The following IPO7 variants were observed in gnomAD, a reference collection of about 807,000 sequenced individuals.
IPO7 encodes importin-7.
In IPO7, 13 loss-of-function variants were observed where a neutral mutation model predicts 136.4. That is an observed-to-expected ratio of 0.10 (90% confidence interval 0.06 to 0.15). The LOEUF is 0.15. Ranked by LOEUF, IPO7 falls within the 10% of genes least tolerant of loss-of-function variation. IPO7 has a pLI of 1.00. For synonymous variants in IPO7, 403 were observed against 404.4 expected, an observed-to-expected ratio of 1.00 and a Z score of 0.04; for missense variants, 857 against 1,240.6, an observed-to-expected ratio of 0.69 and a Z score of 4.65.
At chr11:9,436,822 A>C (rs555326391) in intron 20 of IPO7, among the ~76,000 whole-genome samples, 1 of 117,800 alleles carries the variant, frequency 8.5e-6, no homozygotes, top group Non-Finnish European at 1.7e-5. Context: ...ACAGGTATAC[A>C]CCACCACAAC....
intron 1 of IPO7, among the ~76,000 whole-genome samples, chr11:9,396,627 A>C (rs766636361): frequency 6.6e-6 from 1 of 152,134 alleles, no homozygotes; most frequent in Non-Finnish European, 1.5e-5. Context: ...TTTTCTGTCT[A>C]TGTAGATTTG....
At chr11:9,428,919 T>C in intron 13 of IPO7, 112 bp from the exon 14 acceptor site, 1 of 931,604 alleles carries the variant, frequency 1.1e-6, no homozygotes, top group African/African-American at 1.6e-5. Context: ...TCTGGACACA[T>C]CTACCACTGG....
chr11:9,408,422 C>T lies in IPO7; in HGVS notation c.167-64C>T, dbSNP rs1854918369. On this transcript the variant is annotated intron_variant, in intron 2 of 24. Coordinates refer to ENST00000379719, the MANE Select transcript of IPO7 (RefSeq NM_006391.3). Reference sequence around the variant, plus strand: ...GAAAGAAATACTTGAGGTATGGACACTTGTGGGATTTTCACAGTACTTTCA... The same window carrying T: ...GAAAGAAATACTTGAGGTATGGACATTTGTGGGATTTTCACAGTACTTTCA... The T allele has an allele frequency of 5.5e-6, 6 of 1,087,662 alleles. No homozygotes were observed. In the African/African-American group the frequency reaches 6.5e-5, roughly 12 times the overall value. The allele number at this position is 1,087,662 out of a possible 1,614,324, so 67.4% of individuals were successfully genotyped here.
chr11:9,434,917 G>C lies in IPO7; in HGVS notation c.2075-17G>C. ...GTGTTACTAAAGATGTGTAACCGAT[G>C]TTTTTTATTAATACAGATATGATGC... On this transcript the variant is annotated splice_polypyrimidine_tract_variant and intron_variant, in intron 18 of 24. Coordinates refer to ENST00000379719, the MANE Select transcript of IPO7 (RefSeq NM_006391.3). The C allele has an allele frequency of 6.6e-7, 1 of 1,505,064 alleles. No homozygotes were observed. Among genetic ancestry groups the C allele is most frequent in the South Asian group, 1.1e-5 (1 of 88,032 alleles). The allele number at this position is 1,505,064 out of a possible 1,614,324, so 93.2% of individuals were successfully genotyped here. A position where few individuals can be genotyped will look rare whatever the true frequency, so the allele number is the denominator to read the frequency against.
At chr11:9,419,019 T>TAGTTTTACTTTTTC (rs1460993002) in intron 6 of IPO7, among the ~76,000 whole-genome samples, 1 of 152,220 alleles carries the variant, frequency 6.6e-6, no homozygotes, top group East Asian at 1.9e-4. Context: ...GACATCTGGG[T>TAGTTTTACTTTTTC]AGTTTTACTT....
chr11:9,428,353 A>G (rs909211660), intron 12 of IPO7, among the ~76,000 whole-genome samples, 187 bp from the exon 13 acceptor site: 1 of 152,188 alleles, frequency 6.6e-6, no homozygotes, highest in African/African-American at 2.4e-5. Context: ...AAAACGTGAA[A>G]ATGTGTTTAG....
intron 1 of IPO7, among the ~76,000 whole-genome samples, chr11:9,393,068 T>A (rs1854659403): frequency 6.6e-6 from 1 of 152,028 alleles, no homozygotes; most frequent in African/African-American, 2.4e-5. Context: ...ATGAGTTACA[T>A]ACAGAGTGTC....
Position 9,437,778 on chromosome 11 carries a change from G to A in IPO7, c.2293G>A (p.Ala765Thr), listed in dbSNP as rs1565004258. 1.2e-6 allele frequency: 2 copies of A among 1,613,922 alleles called. No individual in the cohort carries two copies. The highest frequency in any genetic ancestry group is 1.1e-5 in the South Asian group (1 of 91,078). Residue 765 changes from alanine to threonine, a missense_variant, in exon 21 of 25, where the codon GCC becomes ACC. Physicochemically the swap from Ala to Thr is moderately conservative, Grantham distance 58. Coordinates refer to ENST00000379719, the MANE Select transcript of IPO7 (RefSeq NM_006391.3). Reference sequence around the variant, plus strand: ...GTGCATTCCCTTATTCGTGGAAGCAGCCTTAGAAAGACTGACAAGAGAGGT... The same window carrying A: ...GTGCATTCCCTTATTCGTGGAAGCAACCTTAGAAAGACTGACAAGAGAGGT... ...DQCIPLFVEA[A>T]LERLTREVKT...
chr11:9,401,958 C>A (rs1481111921), intron 1 of IPO7, among the ~76,000 whole-genome samples: 1 of 152,188 alleles, frequency 6.6e-6, no homozygotes, highest in Admixed American at 6.5e-5. Context: ...CCCAGAGCCA[C>A]CATGCCTGGA....
At chr11:9,413,279 A>AGCCT (rs1358654636) in intron 4 of IPO7, among the ~76,000 whole-genome samples, 1 of 152,108 alleles carries the variant, frequency 6.6e-6, no homozygotes, top group Non-Finnish European at 1.5e-5. Context: ...CATAATTGAT[A>AGCCT]GCCTGTTGGT....
At chr11:9,430,831 T>A (rs371602259) in intron 15 of IPO7, 44 bp from the exon 16 acceptor site, 16 of 1,581,666 alleles carry the variant, frequency 1.0e-5, no homozygotes, top group Non-Finnish European at 1.4e-5. Context: ...AACATATTTA[T>A]AATGCTTCAG....
intron 12 of IPO7, chr11:9,425,463 G>T: frequency 1.9e-6 from 1 of 519,656 alleles, no homozygotes; most frequent in Non-Finnish European, 3.4e-6. Context: ...AAAATAGGCC[G>T]GGTGTGGTGG....
intron 24 of IPO7, among the ~76,000 whole-genome samples, chr11:9,442,412 G>T (rs573562854): frequency 3.0e-3 from 444 of 149,380 alleles, no homozygotes; most frequent in African/African-American, 9.2e-3. Flanking sequence ...GTTTTTTTTT[G>T]TTTGTTTGTT....
chr11:9,398,775 A>G (rs1291316605), intron 1 of IPO7, among the ~76,000 whole-genome samples: 1 of 152,106 alleles, frequency 6.6e-6, no homozygotes, highest in Non-Finnish European at 1.5e-5. Flanking sequence ...AAAATATACA[A>G]TAAGTTGTTG....
intron 1 of IPO7, among the ~76,000 whole-genome samples, chr11:9,398,276 C>T (rs10743106): frequency 0.99 from 150,138 of 152,354 alleles, 74,012 homozygotes; most frequent in Middle Eastern, 1. Flanking sequence ...AGTATAGTTC[C>T]TACTCAGTGG....
rs1390012215 is a variant in IPO7, at chr11:9,428,477, G to A, written c.1336-63G>A. ...AGTCATTTTTAATAGTGTTATATCT[G>A]TTTGGAAATTGAGATGATTATATTT... On this transcript the variant is annotated intron_variant, in intron 12 of 24. Transcript: ENST00000379719. 1.3e-5 allele frequency: 9 copies of A among 705,674 alleles called. No homozygotes were observed. The Middle Eastern group carries it at 1.2e-3, about 94-fold the overall frequency. 43.7% of individuals were successfully genotyped at this position (705,674 alleles called of 1,614,324 possible). A position where few individuals can be genotyped will look rare whatever the true frequency, so the allele number is the denominator to read the frequency against.
At chr11:9,438,044 A>AGTTTT (rs1554956321) in intron 21 of IPO7, 36 bp from the exon 22 acceptor site, 1 of 1,035,558 alleles carries the variant, frequency 9.7e-7, no homozygotes, top group African/African-American at 2.7e-5. Flanking sequence ...AAAAGAAAAC[A>AGTTTT]GTTTTTTTTT....
chr11:9,414,337 C>A lies in IPO7; in HGVS notation c.562C>A (p.Leu188Ile). The A allele has an allele frequency of 3.1e-6, 5 of 1,612,508 alleles. No homozygotes were observed. The highest frequency in any genetic ancestry group is 4.2e-6 in the Non-Finnish European group (5 of 1,178,610). Residue 188 changes from leucine to isoleucine, a missense_variant, in exon 5 of 25, where the codon CTT (leucine) becomes ATT (isoleucine). By Grantham distance (5) the Leu-to-Ile change is conservative. Around this residue, in one of 11 missense-constraint regions of IPO7, gnomAD observed 287 missense variants for 307.5 expected, o/e 0.93. Transcript: ENST00000379719. ...AGTTCTAAAGGATCGTTTTATCCAG[C>A]TTCTTTCTGACCAGTCTGATCAGTC... ...LPVLKDRFIQ[L>I]LSDQSDQSVL...
At chr11:9,399,454 C>T (rs752984941) in intron 1 of IPO7, among the ~76,000 whole-genome samples, 1 of 152,110 alleles carries the variant, frequency 6.6e-6, no homozygotes, top group African/African-American at 2.4e-5. Context: ...AGCCACCGCG[C>T]CCGGCAGCAT....
Sources: allele counts gnomAD v4.1 joint callset (sites outside exome capture counted in the v4.1 genomes callset), GRCh38; gene constraint gnomAD v4.1.1; regional missense constraint gnomAD v4.1.1; transcripts MANE v1.5; gene names NCBI Gene and HGNC (gene_info 2026-07-23, HGNC 2026-07-21).